The following ESRRB variants were observed in gnomAD, a reference collection of about 807,000 sequenced individuals.
ESRRB encodes steroid hormone receptor ERR2.
A neutral mutation model predicts 46.0 loss-of-function variants in ESRRB; 16 were observed. The ratio of observed to expected loss-of-function variants is 0.35; its 90% CI spans 0.24 to 0.53. ESRRB has a LOEUF of 0.53. Among genes scored for constraint, ESRRB ranks in the 20% least tolerant of loss-of-function variants. The probability of loss-of-function intolerance (pLI) is 0.93; values close to 1 mark genes in which losing one functional copy is unlikely to be tolerated. For missense variants in ESRRB, 488 were observed against 607.4 expected (o/e 0.80, Z 2.07); for synonymous variants, 246 against 259.6 (o/e 0.95, Z 0.50).
At chr14:76,487,907 G>C (rs75419608) in intron 5 of ESRRB, among the ~76,000 whole-genome samples, 15,023 of 152,216 alleles carry the variant, frequency 0.099, 925 homozygotes, top group Middle Eastern at 0.16. Flanking sequence ...CTGGCCACTA[G>C]GAGAAATTTC....
At chr14:76,351,986 TAAA>T (rs201356393) in intron 1 of ESRRB, among the ~76,000 whole-genome samples, 1 of 91,788 alleles carries the variant, frequency 1.1e-5, no homozygotes, top group African/African-American at 4.8e-5. Context: ...CCCAGTCTCT[TAAA>T]AAAAAAAAAA....
At chr14:76,313,575 G>A (rs1022151464) in intron 1 of ESRRB, among the ~76,000 whole-genome samples, 4 of 152,136 alleles carry the variant, frequency 2.6e-5, no homozygotes, top group Non-Finnish European at 5.9e-5. Flanking sequence ...GCAGGCTCAG[G>A]TGCAGGAAGA....
At chr14:76,415,432 C>T (rs528219755) in intron 1 of ESRRB, among the ~76,000 whole-genome samples, 8 of 152,172 alleles carry the variant, frequency 5.3e-5, no homozygotes, top group African/African-American at 9.6e-5. Context: ...GAGGCCGAGA[C>T]GGGCAGATCA....
chr14:76,440,098 G>A (rs1248799991), intron 2 of ESRRB, among the ~76,000 whole-genome samples: 1 of 152,156 alleles, frequency 6.6e-6, no homozygotes, highest in Non-Finnish European at 1.5e-5. Context: ...TTGTGCGGGG[G>A]AAAAATATAA....
chr14:76,351,361 G>A (rs751910614), intron 1 of ESRRB, among the ~76,000 whole-genome samples: 14 of 146,040 alleles, frequency 9.6e-5, no homozygotes, highest in Non-Finnish European at 7.8e-5. Flanking sequence ...TTCTTCCTAC[G>A]TCTTCCTCAC....
chr14:76,461,528 A>G (rs1436727845), intron 2 of ESRRB, among the ~76,000 whole-genome samples: 1 of 142,640 alleles, frequency 7.0e-6, no homozygotes, highest in Non-Finnish European at 1.5e-5. Flanking sequence ...GTTTTGTTTG[A>G]GACAGAGTCT....
chr14:76,395,417 C>T (rs1346463701), intron 1 of ESRRB, among the ~76,000 whole-genome samples: 10 of 152,152 alleles, frequency 6.6e-5, no homozygotes, highest in Admixed American at 6.5e-4. Context: ...CCTCCGGACT[C>T]ACGGCCCACA....
chr14:76,442,703 A>G (rs1279301116), intron 2 of ESRRB, among the ~76,000 whole-genome samples: 1 of 152,058 alleles, frequency 6.6e-6, no homozygotes, highest in Non-Finnish European at 1.5e-5. Context: ...CTTATAGAAT[A>G]AGCTTTTGTA....
intron 3 of ESRRB, among the ~76,000 whole-genome samples, chr14:76,468,122 C>T (rs1205975873): frequency 2.0e-5 from 3 of 152,244 alleles, no homozygotes; most frequent in African/African-American, 7.2e-5. Flanking sequence ...TGATCAGGTT[C>T]CCACTGCATG....
At chr14:76,497,304 G>A (rs1890469679) in intron 6 of ESRRB, among the ~76,000 whole-genome samples, 1 of 152,108 alleles carries the variant, frequency 6.6e-6, no homozygotes, top group Non-Finnish European at 1.5e-5. Flanking sequence ...CCCCCAGCCT[G>A]AGTCCCCACA....
At chr14:76,461,206 C>G (rs1342046927) in intron 2 of ESRRB, among the ~76,000 whole-genome samples, 1 of 152,202 alleles carries the variant, frequency 6.6e-6, no homozygotes, top group Admixed American at 6.5e-5. Flanking sequence ...TCAGTTCAAC[C>G]TAAATAAGAC....
At chr14:76,321,504 CCT>C (rs2139727065) in intron 1 of ESRRB, among the ~76,000 whole-genome samples, 1 of 152,270 alleles carries the variant, frequency 6.6e-6, no homozygotes, top group South Asian at 2.1e-4. Flanking sequence ...TATGTTTTCA[CCT>C]AGACAATAAT....
chr14:76,334,411 C>T (rs1441032653), intron 1 of ESRRB, among the ~76,000 whole-genome samples: 1 of 152,178 alleles, frequency 6.6e-6, no homozygotes, highest in African/African-American at 2.4e-5. Flanking sequence ...TGTACCCCTC[C>T]GTCTTCCTCA....
Position 76,482,768 on chromosome 14 carries a change from G to A in ESRRB, c.850+9G>A, listed in dbSNP as rs139233314. 6.6e-5 allele frequency: 107 copies of A among 1,613,842 alleles called. No homozygotes were observed. Among genetic ancestry groups the A allele is most frequent in the Non-Finnish European group, 8.6e-5 (101 of 1,179,996 alleles). ...GGCCAAGCACATCCCAGGTGAGCAT[G>A]TGGGACCAGGGGAGAGTGTGGCCAG... On this transcript the variant is annotated intron_variant, in intron 5 of 6. Coordinates refer to ENST00000644823, the MANE Select transcript of ESRRB (RefSeq NM_001379180.1). The surrounding 1 kb of genome is among the most constrained non-coding windows in gnomAD (Gnocchi z 4.3).
Position 76,386,374 on chromosome 14 carries a change from T to A in ESRRB, c.50+9923T>A, listed in dbSNP as rs1222993711. On this transcript the variant is annotated intron_variant, in intron 1 of 6. Coordinates refer to ENST00000644823, the MANE Select transcript of ESRRB (RefSeq NM_001379180.1). ...CCCATGACTGTTTTTCTTAAAATAG[T>A]CTGATAAGAAACACATTGCTCTTAT... Among the ~76,000 whole-genome samples, 3 of 152,206 alleles carry A rather than the reference T, an allele frequency of 2.0e-5. No homozygotes were observed. In the East Asian group the frequency reaches 5.8e-4, roughly 29 times the overall value.
At chr14:76,473,956 C>G (rs999625160) in intron 3 of ESRRB, among the ~76,000 whole-genome samples, 1 of 152,198 alleles carries the variant, frequency 6.6e-6, no homozygotes, top group Admixed American at 6.5e-5. Flanking sequence ...GGGCTTGGCC[C>G]CCACAGGCAC....
intron 1 of ESRRB, among the ~76,000 whole-genome samples, chr14:76,322,868 C>T (rs1883884306): frequency 6.6e-6 from 1 of 152,198 alleles, no homozygotes; most frequent in African/African-American, 2.4e-5. Context: ...AATCACATTG[C>T]TGAGGAGAGT....
chr14:76,409,904 C>G (rs1403109253), intron 1 of ESRRB, among the ~76,000 whole-genome samples: 2 of 151,924 alleles, frequency 1.3e-5, no homozygotes, highest in African/African-American at 4.8e-5. Context: ...ATGGTTTTAC[C>G]CCATTCGGGA....
chr14:76,333,758 C>G (rs368286366), intron 1 of ESRRB, among the ~76,000 whole-genome samples: 1 of 151,768 alleles, frequency 6.6e-6, no homozygotes, highest in African/African-American at 2.4e-5. Flanking sequence ...AATACTTTAC[C>G]TTCTTTTTCT....
Sources: allele counts gnomAD v4.1 joint callset (sites outside exome capture counted in the v4.1 genomes callset), GRCh38; gene constraint gnomAD v4.1.1; non-coding constraint Gnocchi (gnomAD v3.1); transcripts MANE v1.5; gene names NCBI Gene and HGNC (gene_info 2026-07-23, HGNC 2026-07-21).